The following COMMD1 variants were observed in gnomAD, a reference collection of about 807,000 sequenced individuals.
COMMD1 encodes the protein COMM domain-containing protein 1.
In COMMD1, 10 loss-of-function variants were observed where a neutral mutation model predicts 17.2. That is an observed-to-expected ratio of 0.58 (90% CI 0.36 to 0.99). The LOEUF is 0.99. COMMD1 is among the 50% of genes least tolerant of loss of function. The pLI is 0.01. For synonymous variants in COMMD1, 97 were observed against 91.6 expected, an observed-to-expected ratio of 1.06 and a Z score of -0.34; for missense variants, 270 against 231.8, an observed-to-expected ratio of 1.17 and a Z score of -1.07.
At chr2:61,911,556 T>A (rs1669907606) in intron 1 of COMMD1, among the ~76,000 whole-genome samples, 1 of 152,192 alleles carries the variant, frequency 6.6e-6, no homozygotes. Flanking sequence ...ACTGTAGCCC[T>A]GAACTGACCA....
chr2:61,981,365 A>G (rs1671948454), intron 1 of COMMD1, among the ~76,000 whole-genome samples: 1 of 152,294 alleles, frequency 6.6e-6, no homozygotes, highest in South Asian at 2.1e-4. Context: ...GATCTTCTGC[A>G]TGTTGATATC....
At chr2:61,956,960 A>G (rs1470549501) in intron 1 of COMMD1, among the ~76,000 whole-genome samples, 1 of 152,042 alleles carries the variant, frequency 6.6e-6, no homozygotes, top group Non-Finnish European at 1.5e-5. Context: ...CAGGTTGGCC[A>G]GGATGGTCTC....
chr2:62,117,232 A>G (rs550638926), intron 2 of COMMD1, among the ~76,000 whole-genome samples: 4 of 152,162 alleles, frequency 2.6e-5, no homozygotes, highest in Non-Finnish European at 5.9e-5. Context: ...CTGCTGCCCC[A>G]TCACACTACT....
chr2:62,060,971 G>A (rs549109842), intron 2 of COMMD1, among the ~76,000 whole-genome samples: 64 of 151,330 alleles, frequency 4.2e-4, no homozygotes, highest in Non-Finnish European at 7.5e-4. Flanking sequence ...TGATCCTTCC[G>A]TCATCTCCAA....
chr2:62,056,565 G>A (rs1431742708), intron 2 of COMMD1, among the ~76,000 whole-genome samples: 2 of 152,196 alleles, frequency 1.3e-5, no homozygotes, highest in African/African-American at 4.8e-5. Context: ...AAGTGGCTGC[G>A]TTCAAAGCCA....
At chr2:62,066,433 A>C (rs1219279470) in intron 2 of COMMD1, among the ~76,000 whole-genome samples, 1 of 149,818 alleles carries the variant, frequency 6.7e-6, no homozygotes, top group Non-Finnish European at 1.5e-5. Flanking sequence ...AGCAAGATCA[A>C]ATCTTTTTTT....
In COMMD1 at chr2:61,905,862, C is replaced by G; in HGVS notation, c.180+4C>G. 6.2e-7 allele frequency: 1 copy of G among 1,614,074 alleles called. No individual in the cohort carries two copies. Among genetic ancestry groups the G allele is most frequent in the Non-Finnish European group, 8.5e-7 (1 of 1,179,926 alleles). ...AAAGATGAGGGGGATTCTTAAGGTA[C>G]TGCTCTTTTCTGTAGTCTCCGGCTT... On this transcript the variant is annotated splice_donor_region_variant and intron_variant, in intron 1 of 2. Coordinates refer to ENST00000311832, the MANE Select transcript of COMMD1 (RefSeq NM_152516.4).
Position 61,938,895 on chromosome 2 carries a change from A to G in COMMD1, c.180+33037A>G, listed in dbSNP as rs72821346. On this transcript the variant is annotated intron_variant, in intron 1 of 2. Transcript: ENST00000311832. ...CAGAACAGAAAAAGGAACCTCTTCCATTAGGGCACCAACTAAAGATATGAA... is the reference window on the plus strand; with the variant it reads ...CAGAACAGAAAAAGGAACCTCTTCCGTTAGGGCACCAACTAAAGATATGAA... Among the ~76,000 whole-genome samples, 12 of 152,336 alleles carry G rather than the reference A, an allele frequency of 7.9e-5. No individual in the cohort carries two copies. The South Asian group carries it at 2.5e-3, about 32-fold the overall frequency.
At chr2:62,119,275 G>C (rs1458456973) in intron 2 of COMMD1, among the ~76,000 whole-genome samples, 1 of 152,164 alleles carries the variant, frequency 6.6e-6, no homozygotes, top group Non-Finnish European at 1.5e-5. Context: ...CTAGCCTCCA[G>C]ATCTATGAGA....
intron 2 of COMMD1, among the ~76,000 whole-genome samples, chr2:62,059,957 C>G (rs1670812725): frequency 6.6e-6 from 1 of 152,070 alleles, no homozygotes; most frequent in Admixed American, 6.6e-5. Flanking sequence ...GGGGGAATTC[C>G]ATTTTAATTT....
chr2:62,048,046 C>A (rs1200016635), intron 2 of COMMD1, among the ~76,000 whole-genome samples: 2 of 152,118 alleles, frequency 1.3e-5, no homozygotes, highest in Non-Finnish European at 2.9e-5. Context: ...CAAATGATTT[C>A]TCAGAATGTG....
chr2:62,078,239 C>CAAAA (rs56320690), intron 2 of COMMD1, among the ~76,000 whole-genome samples: 1 of 19,844 alleles, frequency 5.0e-5, no homozygotes, highest in African/African-American at 1.6e-4. Flanking sequence ...CACACCAATG[C>CAAAA]AAAAAAAAAA....
intron 1 of COMMD1, among the ~76,000 whole-genome samples, chr2:61,976,830 G>A (rs1396996163): frequency 6.6e-6 from 1 of 151,718 alleles, no homozygotes; most frequent in African/African-American, 2.4e-5. Context: ...AGTGATGTGG[G>A]ATTTTTTTTT....
At chr2:62,079,245 G>C (rs1299022619) in intron 2 of COMMD1, among the ~76,000 whole-genome samples, 2 of 152,168 alleles carry the variant, frequency 1.3e-5, no homozygotes, top group Non-Finnish European at 2.9e-5. Context: ...CATAGACACA[G>C]TAGGGCGTTC....
intron 2 of COMMD1, among the ~76,000 whole-genome samples, chr2:62,029,242 T>C (rs1168220915): frequency 2.6e-5 from 4 of 152,184 alleles, no homozygotes; most frequent in Non-Finnish European, 5.9e-5. Flanking sequence ...CAGTTACCAA[T>C]TGGTATCAAA....
chr2:62,008,267 T>A (rs1573062732), intron 2 of COMMD1, among the ~76,000 whole-genome samples: 2 of 152,188 alleles, frequency 1.3e-5, no homozygotes, highest in Non-Finnish European at 2.9e-5. Flanking sequence ...TGAGGAATAG[T>A]CACCACAGCT....
intron 2 of COMMD1, among the ~76,000 whole-genome samples, chr2:62,099,411 A>G (rs1672110436): frequency 6.6e-6 from 1 of 152,182 alleles, no homozygotes; most frequent in Non-Finnish European, 1.5e-5. Flanking sequence ...CCCATTTTGG[A>G]AACCTTAGAC....
chr2:62,085,189 G>C (rs917504657), intron 2 of COMMD1, among the ~76,000 whole-genome samples: 1 of 151,476 alleles, frequency 6.6e-6, no homozygotes, highest in African/African-American at 2.4e-5. Context: ...CACAGTTGCT[G>C]TTTTAGAACT....
chr2:62,076,764 A>G (rs1308395170), intron 2 of COMMD1, among the ~76,000 whole-genome samples: 1 of 152,178 alleles, frequency 6.6e-6, no homozygotes, highest in Non-Finnish European at 1.5e-5. Flanking sequence ...AAGAAAGAGT[A>G]GTAAAAACAA....
Sources: gnomAD v4.1 joint callset for allele counts (sites outside exome capture counted in the v4.1 genomes callset) on GRCh38, gnomAD v4.1.1 for gene constraint, MANE v1.5 for transcripts, NCBI Gene and HGNC (gene_info 2026-07-23, HGNC 2026-07-21) for gene names.